Variants in L3MBTL3 observed in about 807,000 individuals in gnomAD.
L3MBTL3 encodes the protein lethal(3)malignant brain tumor-like protein 3.
A neutral mutation model predicts 102.3 loss-of-function variants in L3MBTL3; 27 were observed. The ratio of observed to expected loss-of-function variants is 0.26; its 90% confidence interval spans 0.19 to 0.36. The LOEUF (loss-of-function observed/expected upper bound fraction) is 0.36. Ranked by LOEUF, L3MBTL3 falls within the 10% of genes least tolerant of loss-of-function variation. The pLI, the probability that L3MBTL3 is intolerant of heterozygous loss-of-function variation, is 1.00. For synonymous variants in L3MBTL3, 340 were observed against 320.9 expected, an observed-to-expected ratio of 1.06 and a Z score of -0.64; for missense variants, 798 against 955.3, an observed-to-expected ratio of 0.84 and a Z score of 2.17.
At chr6:130,038,752 G>A (rs573595089) in intron 2 of L3MBTL3, among the ~76,000 whole-genome samples, 19 of 152,092 alleles carry the variant, frequency 1.2e-4, no homozygotes, top group African/African-American at 4.6e-4. Flanking sequence ...TTCCATTGCT[G>A]TGCAGAATCG....
chr6:130,070,553 T>C (rs1782560619), intron 12 of L3MBTL3, among the ~76,000 whole-genome samples: 1 of 152,192 alleles, frequency 6.6e-6, no homozygotes, highest in Non-Finnish European at 1.5e-5. Context: ...CATGCACATT[T>C]TTAACTTGAT....
At chr6:130,112,279 C>A (rs1785400250) in intron 19 of L3MBTL3, among the ~76,000 whole-genome samples, 1 of 152,204 alleles carries the variant, frequency 6.6e-6, no homozygotes, top group Admixed American at 6.5e-5. Flanking sequence ...CCTGAGCACA[C>A]TCCCTTGCGT....
At chr6:130,078,712 A>G in intron 14 of L3MBTL3, 78 bp downstream of exon 14, 1 of 975,754 alleles carries the variant, frequency 1.0e-6, no homozygotes, top group Non-Finnish European at 1.6e-6. Flanking sequence ...AGGGCCAGAT[A>G]GTAAATATTT....
intron 18 of L3MBTL3, among the ~76,000 whole-genome samples, chr6:130,100,434 AC>A (rs1321776745): frequency 6.6e-6 from 1 of 151,834 alleles, no homozygotes; most frequent in African/African-American, 2.4e-5. Flanking sequence ...TTTCCTCTTT[AC>A]CCCAGAGTAG....
chr6:130,102,798 C>T (rs563261776), intron 18 of L3MBTL3, among the ~76,000 whole-genome samples: 1 of 152,360 alleles, frequency 6.6e-6, no homozygotes, highest in East Asian at 1.9e-4. Context: ...GGACCTTCCT[C>T]ACCACTCCGT....
At chr6:130,093,577 T>C (rs1784185387) in intron 17 of L3MBTL3, among the ~76,000 whole-genome samples, 1 of 152,190 alleles carries the variant, frequency 6.6e-6, no homozygotes, top group Non-Finnish European at 1.5e-5. Flanking sequence ...TAAATAAATT[T>C]TGGTGCACTA....
At chr6:130,123,197 A>G (rs1025388423) in intron 20 of L3MBTL3, among the ~76,000 whole-genome samples, 11 of 152,212 alleles carry the variant, frequency 7.2e-5, no homozygotes, top group Non-Finnish European at 1.5e-4. Context: ...TACACTATGC[A>G]TGGTATTCTC....
intron 3 of L3MBTL3, among the ~76,000 whole-genome samples, chr6:130,047,537 T>C (rs954551202): frequency 6.6e-6 from 1 of 152,212 alleles, no homozygotes; most frequent in Non-Finnish European, 1.5e-5. Flanking sequence ...TGGGAGACTT[T>C]CTGTTTAATG....
At chr6:130,084,007 G>A (rs895511467) in intron 15 of L3MBTL3, among the ~76,000 whole-genome samples, 1 of 152,022 alleles carries the variant, frequency 6.6e-6, no homozygotes, top group African/African-American at 2.4e-5. Context: ...TGTCTTTTTA[G>A]CTAGATGTTC....
chr6:130,039,049 G>A (rs1224186017), intron 2 of L3MBTL3, among the ~76,000 whole-genome samples: 1 of 151,892 alleles, frequency 6.6e-6, no homozygotes, highest in Non-Finnish European at 1.5e-5. Context: ...TATTATATAT[G>A]TAAGGAGACT....
At chr6:130,033,194 G>A (rs1452324069) in intron 2 of L3MBTL3, among the ~76,000 whole-genome samples, 2 of 152,164 alleles carry the variant, frequency 1.3e-5, no homozygotes, top group Non-Finnish European at 2.9e-5. Flanking sequence ...AAAGGATGAC[G>A]GGAGCTGGGT....
intron 14 of L3MBTL3, among the ~76,000 whole-genome samples, chr6:130,082,671 G>A (rs6569650): frequency 0.46 from 69,781 of 151,872 alleles, 17,439 homozygotes; most frequent in African/African-American, 0.66. Flanking sequence ...TCAAGGTTCC[G>A]TGCCTCTTTT....
intron 19 of L3MBTL3, among the ~76,000 whole-genome samples, chr6:130,106,135 C>T (rs976247234): frequency 2.6e-5 from 4 of 152,022 alleles, no homozygotes; most frequent in African/African-American, 9.7e-5. Context: ...ATATTTTTGC[C>T]TATGCCTATT....
chr6:130,086,091 A>AC (rs1783666974), intron 15 of L3MBTL3, 49 bp from the exon 16 acceptor site: 1 of 1,217,096 alleles, frequency 8.2e-7, no homozygotes, highest in East Asian at 2.3e-5. Flanking sequence ...CATCAAGTTT[A>AC]CCTTCTCTTC....
chr6:130,083,557 C>T, intron 14 of L3MBTL3, 63 bp from the exon 15 acceptor site: 1 of 673,614 alleles, frequency 1.5e-6, no homozygotes, highest in Admixed American at 3.0e-5. Flanking sequence ...TTTTGTTGGA[C>T]AGTTTGTTAT....
At chr6:130,045,505 T>C (rs1315383959) in intron 3 of L3MBTL3, among the ~76,000 whole-genome samples, 1 of 152,184 alleles carries the variant, frequency 6.6e-6, no homozygotes, top group Non-Finnish European at 1.5e-5. Context: ...TCTCGTCAGT[T>C]TACAGATGGG....
At chr6:130,096,245 A>G (rs1350887967) in intron 18 of L3MBTL3, among the ~76,000 whole-genome samples, 1 of 152,126 alleles carries the variant, frequency 6.6e-6, no homozygotes, top group South Asian at 2.1e-4. Flanking sequence ...ACACTACTCC[A>G]TAAATTAGTC....
intron 18 of L3MBTL3, among the ~76,000 whole-genome samples, chr6:130,098,863 C>CTT (rs11332477): frequency 2.5e-5 from 3 of 118,514 alleles, no homozygotes; most frequent in Non-Finnish European, 5.4e-5. Flanking sequence ...GTGTGTTTTT[C>CTT]TTTTTTTTTT....
intron 15 of L3MBTL3, among the ~76,000 whole-genome samples, chr6:130,084,241 C>T (rs541603542): frequency 6.6e-6 from 1 of 152,256 alleles, no homozygotes; most frequent in South Asian, 2.1e-4. Flanking sequence ...AAATGAACCT[C>T]ATTTCTATGC....
Sources: allele counts gnomAD v4.1 joint callset (sites outside exome capture counted in the v4.1 genomes callset), GRCh38; gene constraint gnomAD v4.1.1; transcripts MANE v1.5; gene names NCBI Gene and HGNC (gene_info 2026-07-23, HGNC 2026-07-21).